The following SMARCA5 variants were observed in gnomAD, a reference collection of about 807,000 sequenced individuals.
The protein encoded by SMARCA5 is SNF2 related chromatin remodeling ATPase 5, also known as SWI/SNF-related matrix-associated actin-dependent regulator of chromatin subfamily A member 5.
A neutral mutation model predicts 140.4 loss-of-function variants in SMARCA5; 18 were observed. The ratio of observed to expected loss-of-function variants is 0.13; its 90% CI spans 0.09 to 0.19. The LOEUF (loss-of-function observed/expected upper bound fraction) is 0.19, where lower values mean the gene tolerates loss of function less well. SMARCA5 is among the 10% of genes least tolerant of loss of function. SMARCA5 has a pLI of 1.00. For synonymous variants in SMARCA5, 449 were observed against 419.6 expected, an observed-to-expected ratio of 1.07 and a Z score of -0.86; for missense variants, 606 against 1,276.8, an observed-to-expected ratio of 0.47 and a Z score of 8.01.
chr4:143,542,415 C>T (rs984805276), intron 14 of SMARCA5, among the ~76,000 whole-genome samples: 14 of 152,136 alleles, frequency 9.2e-5, no homozygotes, highest in African/African-American at 3.4e-4. Context: ...GGTTCCGGAA[C>T]CTTCCTGCCC....
chr4:143,556,051 C>CA lies in SMARCA5; in HGVS notation c.*2873dup, dbSNP rs961776095. 6 of 151,948 alleles carry CA rather than the reference C, an allele frequency of 3.9e-5. No homozygotes were observed. The highest frequency in any genetic ancestry group is 1.5e-5 in the Non-Finnish European group (1 of 67,994). 9.4% of individuals were successfully genotyped at this position (151,948 alleles called of 1,614,324 possible). A position where few individuals can be genotyped will look rare whatever the true frequency, so the allele number is the denominator to read the frequency against. ...AGAGTACAAGTTGAGCATCCCTAAT[C>CA]AAAAAATCTAAAATCAGAAATGCTC... On this transcript the variant is annotated 3_prime_UTR_variant, in exon 24 of 24. Transcript: ENST00000283131.
intron 19 of SMARCA5, among the ~76,000 whole-genome samples, chr4:143,546,485 T>A (rs1343983569): frequency 6.6e-6 from 1 of 152,174 alleles, no homozygotes; most frequent in Non-Finnish European, 1.5e-5. Context: ...CCCTTTATGT[T>A]ATTCACTCTT....
intron 14 of SMARCA5, among the ~76,000 whole-genome samples, chr4:143,540,815 A>G (rs1737412556): frequency 6.6e-6 from 1 of 152,202 alleles, no homozygotes; most frequent in Admixed American, 6.5e-5. Context: ...GGGATAATGT[A>G]TATAAAATAT....
At chr4:143,550,197 C>T (rs567468130) in intron 23 of SMARCA5, 93 bp downstream of exon 23, 114 of 652,650 alleles carry the variant, frequency 1.7e-4, no homozygotes, top group Middle Eastern at 5.2e-4. Flanking sequence ...TGTGTTAGTC[C>T]CTGTTGTGCA....
chr4:143,513,983 C>T lies in SMARCA5; in HGVS notation c.59C>T (p.Pro20Leu), dbSNP rs904221635. 2 of 1,561,858 alleles carry T rather than the reference C, an allele frequency of 1.3e-6. No homozygotes were observed. The highest frequency in any genetic ancestry group is 3.6e-5 in the Admixed American group (2 of 55,056). ...PPPPESAPSK[P>L]AASIASGGSN... ...CCTCCCGAGAGCGCGCCTTCCAAGC[C>T]CGCAGCCTCGATCGCCAGCGGCGGG... The change falls in exon 1 of 24, where the codon CCC (proline) becomes CTC (leucine). Residue 20 changes from proline (P) to leucine (L), a missense_variant. By Grantham distance (98) the Pro-to-Leu change is moderately conservative. Around this residue, in one of 10 missense-constraint regions of SMARCA5, gnomAD observed 164 missense variants for 128.4 expected, o/e 1.28. Transcript: ENST00000283131.
intron 1 of SMARCA5, 134 bp from the exon 2 acceptor site, chr4:143,517,221 A>C: frequency 1.2e-5 from 7 of 576,496 alleles, no homozygotes; most frequent in Non-Finnish European, 2.2e-5. Context: ...AGCTTAGATG[A>C]CAGCTGTTTA....
intron 6 of SMARCA5, 50 bp downstream of exon 6, chr4:143,526,510 TC>T (rs760555875): frequency 3.0e-6 from 4 of 1,321,294 alleles, no homozygotes; most frequent in Non-Finnish European, 4.3e-6. Flanking sequence ...TAATTTGAAT[TC>T]AGGCTTGGGT....
At position 143,521,415 on chromosome 4, in the gene SMARCA5, T is replaced by C. The variant is rs1419195619; in HGVS notation, c.253-14T>C. On this transcript the variant is annotated splice_polypyrimidine_tract_variant and intron_variant, in intron 2 of 23. Coordinates refer to ENST00000283131, the MANE Select transcript of SMARCA5 (RefSeq NM_003601.4). The stretch of plus-strand genomic sequence containing the variant: ...ATACTCTGATAAAATGTATCTTAAA[T>C]TTTTTTTTTTCAGCAAACTGACCGG... The C allele has an allele frequency of 7.9e-7, 1 of 1,267,920 alleles. No homozygotes were observed. Among genetic ancestry groups the C allele is most frequent in the Non-Finnish European group, 1.1e-6 (1 of 922,916 alleles). 78.5% of individuals were successfully genotyped at this position (1,267,920 alleles called of 1,614,324 possible).
Position 143,556,823 on chromosome 4 carries a change from TTAAA to T in SMARCA5, c.*3642_*3645del, listed in dbSNP as rs1173815174. ...TCTGTTAAGGTTTTTATTAGAATGATTAAATAGGCTTTTGCAGCATTAACTTTAC... is the reference window on the plus strand; with the variant it reads ...TCTGTTAAGGTTTTTATTAGAATGATTAGGCTTTTGCAGCATTAACTTTAC... On this transcript the variant is annotated 3_prime_UTR_variant, in exon 24 of 24. Transcript: ENST00000283131. 2 of 152,162 alleles carry T rather than the reference TTAAA, an allele frequency of 1.3e-5. No individual in the cohort carries two copies. The highest frequency in any genetic ancestry group is 2.9e-5 in the Non-Finnish European group (2 of 68,032). 9.4% of individuals were successfully genotyped at this position (152,162 alleles called of 1,614,324 possible).
At chr4:143,535,858 T>A (rs997984560) in intron 10 of SMARCA5, among the ~76,000 whole-genome samples, 1 of 152,196 alleles carries the variant, frequency 6.6e-6, no homozygotes, top group Non-Finnish European at 1.5e-5. Context: ...TGTTCAAGGC[T>A]TTTTATAATC....
intron 18 of SMARCA5, 97 bp downstream of exon 18, chr4:143,545,680 T>C (rs113032235): frequency 1.2e-6 from 1 of 837,204 alleles, no homozygotes; most frequent in East Asian, 2.5e-5. Context: ...GGACCTAGTG[T>C]GAAACAATAC....
chr4:143,513,943 C>A lies in SMARCA5; in HGVS notation c.19C>A (p.Pro7Thr). Reference protein sequence around the residue: MSSAAEPPPPPPPESAP... With the variant: MSSAAETPPPPPPESAP... ...GAACATCATGTCGTCCGCGGCCGAGCCTCCGCCACCCCCGCCTCCCGAGAG... is the reference window on the plus strand; with the variant it reads ...GAACATCATGTCGTCCGCGGCCGAGACTCCGCCACCCCCGCCTCCCGAGAG... The change falls in exon 1 of 24, where the codon CCT becomes ACT. Residue 7 changes from proline (P) to threonine (T), a missense_variant. Pro to Thr is a conservative substitution (Grantham distance 38). This residue lies in a region of SMARCA5 where 164 missense variants were observed against 128.4 expected (regional missense o/e 1.28). Coordinates refer to ENST00000283131, the MANE Select transcript of SMARCA5 (RefSeq NM_003601.4). 1.9e-6 allele frequency: 3 copies of A among 1,547,394 alleles called. No individual in the cohort carries two copies. The highest frequency in any genetic ancestry group is 2.6e-6 in the Non-Finnish European group (3 of 1,153,638).
Position 143,517,444 on chromosome 4 carries a change from T to C in SMARCA5, c.252+15T>C, listed in dbSNP as rs1476619883. 6.5e-7 allele frequency: 1 copy of C among 1,546,790 alleles called. No homozygotes were observed. The highest frequency in any genetic ancestry group is 1.2e-5 in the South Asian group (1 of 84,600). ...AAGAAAAAATGGTATGTTCTAGGCTTGTGAATAGAGTCTATAAGGAAAACT... is the reference window on the plus strand; with the variant it reads ...AAGAAAAAATGGTATGTTCTAGGCTCGTGAATAGAGTCTATAAGGAAAACT... On this transcript the variant is annotated intron_variant, in intron 2 of 23. Transcript: ENST00000283131.
intron 13 of SMARCA5, among the ~76,000 whole-genome samples, chr4:143,539,288 T>C (rs917925990): frequency 1.3e-5 from 2 of 152,190 alleles, no homozygotes; most frequent in Non-Finnish European, 2.9e-5. Flanking sequence ...ACTCAAATCA[T>C]GTAGCATAAC....
In SMARCA5 at chr4:143,540,429, G is replaced by A. The variant is rs763852717; in HGVS notation, c.1837G>A (p.Val613Ile). ...GTTCCGCTTTATAACTGATAACACT[G>A]TAGAAGAAAGAATAGTAGAACGTGC... The part of the protein sequence containing the change: ...RVFRFITDNT[V>I]EERIVERAEM... The change falls in exon 14 of 24, where the codon GTA becomes ATA. Residue 613 changes from valine (V) to isoleucine (I), a missense_variant. Val to Ile is a conservative substitution (Grantham distance 29). This residue lies in a region of SMARCA5 where 62 missense variants were observed against 256.6 expected (regional missense o/e 0.24). Transcript: ENST00000283131. 3.1e-6 allele frequency: 5 copies of A among 1,612,766 alleles called. No homozygotes were observed. In the South Asian group the frequency reaches 4.4e-5, roughly 14 times the overall value.
chr4:143,515,237 G>T (rs1004072616), intron 1 of SMARCA5, among the ~76,000 whole-genome samples: 1 of 152,174 alleles, frequency 6.6e-6, no homozygotes, highest in Admixed American at 6.5e-5. Flanking sequence ...TATTTGGGTA[G>T]CTGGGGTTAA....
At chr4:143,520,684 C>G (rs1736939161) in intron 2 of SMARCA5, among the ~76,000 whole-genome samples, 1 of 152,100 alleles carries the variant, frequency 6.6e-6, no homozygotes, top group Admixed American at 6.5e-5. Flanking sequence ...TTGAGCTTTT[C>G]TTGTCTTGCT....
chr4:143,526,144 T>C (rs756324496), intron 5 of SMARCA5, 137 bp from the exon 6 acceptor site: 1 of 688,932 alleles, frequency 1.5e-6, no homozygotes, highest in East Asian at 2.7e-5. Context: ...AACTTTGATA[T>C]ATGTTAAGTT....
At chr4:143,514,374 G>T in intron 1 of SMARCA5, 1 of 410,176 alleles carries the variant, frequency 2.4e-6, no homozygotes, top group East Asian at 4.3e-5. Flanking sequence ...GTGAACAGAT[G>T]TTCTTGGTTA....
Sources: gnomAD v4.1 joint callset for allele counts (sites outside exome capture counted in the v4.1 genomes callset) on GRCh38, gnomAD v4.1.1 for gene constraint, gnomAD v4.1.1 regional missense constraint, MANE v1.5 for transcripts, NCBI Gene and HGNC (gene_info 2026-07-23, HGNC 2026-07-21) for gene names.